Variants in SHROOM3 observed in about 807,000 individuals in gnomAD.
SHROOM3 encodes the protein shroom family member 3, also known as protein Shroom3.
Under a neutral mutation model 138.6 loss-of-function variants are expected in SHROOM3, and 47 were observed. The ratio of observed to expected loss-of-function variants is 0.34; its 90% CI spans 0.27 to 0.43. The LOEUF is 0.43. SHROOM3 is among the 20% of genes least tolerant of loss of function. SHROOM3 has a pLI of 1.00. For synonymous variants in SHROOM3, 1,062 were observed against 1,063.3 expected (o/e 1.00, Z 0.02); for missense variants, 2,491 against 2,596.5 (o/e 0.96, Z 0.88).
intron 2 of SHROOM3, among the ~76,000 whole-genome samples, chr4:76,649,904 CA>C (rs1553933077): frequency 6.6e-6 from 1 of 152,176 alleles, no homozygotes; most frequent in Non-Finnish European, 1.5e-5. Flanking sequence ...GTGGCTTAAG[CA>C]ACAGAAATGT....
rs781498029 is a variant in SHROOM3, at chr4:76,740,415, C to T, written c.2242C>T (p.Pro748Ser). 4 of 1,612,916 alleles carry T rather than the reference C, an allele frequency of 2.5e-6. No homozygotes were observed. The highest frequency in any genetic ancestry group is 2.7e-5 in the African/African-American group (2 of 74,932). Residue 748 changes from proline to serine, a missense_variant, in exon 5 of 11, where the codon CCC (proline) becomes TCC (serine). Physicochemically the swap from Pro to Ser is moderately conservative, Grantham distance 74. Coordinates refer to ENST00000296043, the MANE Select transcript of SHROOM3 (RefSeq NM_020859.4). This position sits in a 1 kb window ranked among gnomAD's most constrained non-coding sequence, Gnocchi z 4.0. ...CCCAAGTCCCGAAGAGCCGCCTGCCCCCTCGCACCCGCACACATCCAGTCT... is the reference window on the plus strand; with the variant it reads ...CCCAAGTCCCGAAGAGCCGCCTGCCTCCTCGCACCCGCACACATCCAGTCT... Reference protein sequence around the residue: ...TDPSPEEPPAPSHPHTSSLGR... With the variant: ...TDPSPEEPPASSHPHTSSLGR...
At chr4:76,531,941 G>A (rs186171235) in intron 1 of SHROOM3, among the ~76,000 whole-genome samples, 1 of 148,592 alleles carries the variant, frequency 6.7e-6, no homozygotes, top group African/African-American at 2.5e-5. Context: ...AAGTTCCAGG[G>A]TACATGTGCA....
chr4:76,554,784 T>A (rs1733445353), intron 1 of SHROOM3, among the ~76,000 whole-genome samples: 1 of 152,132 alleles, frequency 6.6e-6, no homozygotes, highest in Admixed American at 6.5e-5. Context: ...TACAGTGGTC[T>A]GTTAGCAACC....
intron 2 of SHROOM3, among the ~76,000 whole-genome samples, chr4:76,565,369 A>G (rs1294912822): frequency 6.6e-6 from 1 of 152,180 alleles, no homozygotes; most frequent in Non-Finnish European, 1.5e-5. Flanking sequence ...ACTTGAATCA[A>G]AATGGCTTAA....
intron 5 of SHROOM3, among the ~76,000 whole-genome samples, chr4:76,748,008 G>A (rs1342508870): frequency 6.6e-6 from 1 of 152,148 alleles, no homozygotes; most frequent in Non-Finnish European, 1.5e-5. Context: ...AAAAAGTCAA[G>A]TGCCTAATAT....
intron 2 of SHROOM3, chr4:76,639,771 G>A (rs1735609598): frequency 2.5e-6 from 1 of 394,666 alleles, no homozygotes. Flanking sequence ...TAAGTAAATG[G>A]GAAGTTCTTA....
At chr4:76,681,594 G>GGGGTGTGTGT (rs1553936165) in intron 2 of SHROOM3, among the ~76,000 whole-genome samples, 145 of 81,062 alleles carry the variant, frequency 1.8e-3, no homozygotes, top group East Asian at 6.5e-3. Context: ...CAGAGTCTAG[G>GGGGTGTGTGT]GTGTGTGTGT....
intron 3 of SHROOM3, among the ~76,000 whole-genome samples, chr4:76,714,869 A>G (rs1720327174): frequency 6.6e-6 from 1 of 152,092 alleles, no homozygotes; most frequent in Non-Finnish European, 1.5e-5. Flanking sequence ...ATAATTCAGT[A>G]CTACTGTTAT....
intron 2 of SHROOM3, among the ~76,000 whole-genome samples, chr4:76,563,271 C>T (rs1286328067): frequency 6.6e-6 from 1 of 152,200 alleles, no homozygotes; most frequent in Non-Finnish European, 1.5e-5. Context: ...ACTGATTTGA[C>T]TCATTTTTGT....
intron 2 of SHROOM3, among the ~76,000 whole-genome samples, chr4:76,689,356 G>GAACGCCGAGCC (rs1553937010): frequency 3.8e-4 from 57 of 149,466 alleles, no homozygotes; most frequent in African/African-American, 1.4e-3. Context: ...GGTGGCGAGC[G>GAACGCCGAGCC]AGCGCCGAGC....
intron 8 of SHROOM3, among the ~76,000 whole-genome samples, chr4:76,757,844 C>T (rs954350736): frequency 6.6e-6 from 1 of 152,188 alleles, no homozygotes; most frequent in Non-Finnish European, 1.5e-5. Flanking sequence ...TTCATTTTCT[C>T]TTAAATTTTC....
At chr4:76,752,228 T>C (rs1289286457) in intron 6 of SHROOM3, among the ~76,000 whole-genome samples, 1 of 152,210 alleles carries the variant, frequency 6.6e-6, no homozygotes, top group Non-Finnish European at 1.5e-5. Context: ...ATAATTTCAC[T>C]TGTATGAAGT....
chr4:76,439,239 G>A (rs771914667), intron 1 of SHROOM3, among the ~76,000 whole-genome samples: 1 of 152,134 alleles, frequency 6.6e-6, no homozygotes, highest in Non-Finnish European at 1.5e-5. Context: ...TTCTCACCCT[G>A]CAGCTGACCT....
intron 2 of SHROOM3, among the ~76,000 whole-genome samples, chr4:76,577,711 T>A (rs1412917171): frequency 6.6e-6 from 1 of 152,242 alleles, no homozygotes; most frequent in African/African-American, 2.4e-5. Context: ...ACAATCCAGT[T>A]GCTAACATTT....
Position 76,779,134 on chromosome 4 carries a change from G to A in SHROOM3, c.5948G>A (p.Cys1983Tyr), listed in dbSNP as rs1722670174. 1.2e-6 allele frequency: 2 copies of A among 1,613,832 alleles called. No homozygotes were observed. Among genetic ancestry groups the A allele is most frequent in the Non-Finnish European group, 1.7e-6 (2 of 1,179,802 alleles). The change falls in exon 11 of 11, where the codon TGT (cysteine) becomes TAT (tyrosine). Residue 1983 changes from cysteine (C) to tyrosine (Y), a missense_variant. Physicochemically the swap from Cys to Tyr is radical, Grantham distance 194 (BLOSUM62 -2). Transcript: ENST00000296043. ...LTSEPIPAGGCTFSGIFPTLT... is the reference protein window; with the variant it reads ...LTSEPIPAGGYTFSGIFPTLT... The stretch of plus-strand genomic sequence containing the variant: ...AGTGAGCCCATTCCTGCTGGGGGCT[G>A]TACTTTCAGTGGTATTTTCCCAACA...
chr4:76,442,882 T>TGAAAA (rs949905489), intron 1 of SHROOM3, among the ~76,000 whole-genome samples: 6 of 152,034 alleles, frequency 3.9e-5, no homozygotes, highest in African/African-American at 1.4e-4. Context: ...ATTATGAAAA[T>TGAAAA]GAAAATGTGA....
chr4:76,731,208 T>C (rs987503996), intron 4 of SHROOM3, among the ~76,000 whole-genome samples: 1 of 152,208 alleles, frequency 6.6e-6, no homozygotes, highest in African/African-American at 2.4e-5. Flanking sequence ...TCTCAGACAT[T>C]TCTCCACTGA....
chr4:76,645,289 C>T (rs1174421164), intron 2 of SHROOM3: 1 of 152,240 alleles, frequency 6.6e-6, no homozygotes, highest in Non-Finnish European at 1.5e-5. Flanking sequence ...TCGGCTGTTT[C>T]TCTCTCCAGC....
chr4:76,619,521 T>C (rs2110065343), intron 2 of SHROOM3, among the ~76,000 whole-genome samples: 1 of 152,338 alleles, frequency 6.6e-6, no homozygotes, highest in East Asian at 1.9e-4. Flanking sequence ...AGTAATCCCA[T>C]GGTCTTTTAT....
Sources: allele counts gnomAD v4.1 joint callset (sites outside exome capture counted in the v4.1 genomes callset), GRCh38; gene constraint gnomAD v4.1.1; non-coding constraint Gnocchi (gnomAD v3.1); transcripts MANE v1.5; gene names NCBI Gene and HGNC (gene_info 2026-07-23, HGNC 2026-07-21).